The following MARCHF1 variants were observed in gnomAD, a reference collection of about 807,000 sequenced individuals.
MARCHF1 encodes the protein E3 ubiquitin-protein ligase MARCHF1.
MARCHF1 carries 40 observed loss-of-function variants against 54.2 expected under a neutral mutation model. The ratio of observed to expected loss-of-function variants is 0.74; its 90% CI spans 0.57 to 0.96. The LOEUF (loss-of-function observed/expected upper bound fraction) is 0.96, where lower values mean the gene tolerates loss of function less well. MARCHF1 is among the 40% of genes least tolerant of loss of function. The pLI is 0.00. For missense variants in MARCHF1, 586 were observed against 656.5 expected (o/e 0.89, Z 1.17); for synonymous variants, 236 against 236.3 (o/e 1.00, Z 0.01).
At chr4:163,883,266 A>AT (rs1252853808) in intron 3 of MARCHF1, among the ~76,000 whole-genome samples, 97 of 150,906 alleles carry the variant, frequency 6.4e-4, no homozygotes, top group Non-Finnish European at 9.3e-4. Flanking sequence ...TATGAGAGAG[A>AT]GAGAGAGAGA....
At chr4:163,991,900 A>T (rs1752973338) in intron 2 of MARCHF1, among the ~76,000 whole-genome samples, 2 of 152,122 alleles carry the variant, frequency 1.3e-5, no homozygotes, top group South Asian at 4.2e-4. Context: ...TGGCATTTTT[A>T]CATATTAACT....
At chr4:163,647,177 A>G (rs1199749336) in intron 5 of MARCHF1, among the ~76,000 whole-genome samples, 4 of 152,106 alleles carry the variant, frequency 2.6e-5, no homozygotes, top group Admixed American at 1.3e-4. Flanking sequence ...GTCACTATAT[A>G]ATGATAAAGG....
chr4:163,713,388 G>A (rs72993151), intron 4 of MARCHF1, among the ~76,000 whole-genome samples: 1,917 of 152,206 alleles, frequency 0.013, 43 homozygotes, highest in African/African-American at 0.042. Context: ...TACCACTTGT[G>A]GTGCAATCCT....
At chr4:164,324,986 A>G (rs953375611) in intron 1 of MARCHF1, among the ~76,000 whole-genome samples, 1 of 151,948 alleles carries the variant, frequency 6.6e-6, no homozygotes, top group African/African-American at 2.4e-5. Flanking sequence ...AAGAATAACC[A>G]AGAATAGCAC....
At chr4:164,142,716 T>C (rs1046307490) in intron 1 of MARCHF1, among the ~76,000 whole-genome samples, 9 of 151,896 alleles carry the variant, frequency 5.9e-5, no homozygotes, top group African/African-American at 2.2e-4. Context: ...ACCACAAAAA[T>C]GGGGAAAAAA....
chr4:164,226,472 G>T (rs542326865), intron 1 of MARCHF1, among the ~76,000 whole-genome samples: 4 of 151,924 alleles, frequency 2.6e-5, no homozygotes, highest in African/African-American at 9.6e-5. Flanking sequence ...ACTGACACAA[G>T]GAAGCCTCCC....
intron 8 of MARCHF1, chr4:163,584,101 T>C (rs1363250622): frequency 6.6e-6 from 1 of 150,654 alleles, no homozygotes; most frequent in Non-Finnish European, 1.5e-5. Flanking sequence ...AAAGTTGTAT[T>C]GACAGGGTAT....
chr4:163,932,532 A>G, intron 3 of MARCHF1: 1 of 353,652 alleles, frequency 2.8e-6, no homozygotes, highest in Non-Finnish European at 5.6e-6. Flanking sequence ...TGCCATAGAG[A>G]AAATGGAGCT....
intron 4 of MARCHF1, among the ~76,000 whole-genome samples, chr4:163,820,172 T>C (rs1748651922): frequency 1.3e-5 from 2 of 152,122 alleles, no homozygotes; most frequent in Non-Finnish European, 2.9e-5. Flanking sequence ...AAATAGTTTT[T>C]TTGTGAGGAC....
intron 1 of MARCHF1, among the ~76,000 whole-genome samples, chr4:164,339,969 A>AT (rs1729865890): frequency 6.6e-6 from 1 of 152,172 alleles, no homozygotes; most frequent in African/African-American, 2.4e-5. Context: ...GAGGAAATGG[A>AT]TAACTTCCTA....
intron 1 of MARCHF1, chr4:164,197,054 C>G (rs566167981): frequency 1.2e-4 from 196 of 1,605,950 alleles, no homozygotes; most frequent in Non-Finnish European, 1.4e-4. Flanking sequence ...TCTTCTTCAT[C>G]TTCCTCGCCA....
intron 4 of MARCHF1, among the ~76,000 whole-genome samples, chr4:163,836,822 C>T (rs181735119): frequency 1.3e-5 from 2 of 150,980 alleles, no homozygotes; most frequent in South Asian, 4.2e-4. Context: ...AAGAATTATT[C>T]CTGATCTCAT....
chr4:164,042,635 C>T (rs1308424981), intron 2 of MARCHF1, among the ~76,000 whole-genome samples: 1 of 152,122 alleles, frequency 6.6e-6, no homozygotes, highest in Non-Finnish European at 1.5e-5. Context: ...ATCTCTTGTC[C>T]TCCTCACATT....
intron 5 of MARCHF1, among the ~76,000 whole-genome samples, chr4:163,678,224 A>G (rs1743981722): frequency 6.6e-6 from 1 of 152,212 alleles, no homozygotes; most frequent in Non-Finnish European, 1.5e-5. Flanking sequence ...CATTTTGATT[A>G]TGATGACAAT....
At chr4:163,897,130 T>A (rs1750827223) in intron 3 of MARCHF1, among the ~76,000 whole-genome samples, 1 of 152,202 alleles carries the variant, frequency 6.6e-6, no homozygotes, top group South Asian at 2.1e-4. Flanking sequence ...GGAGTAACAC[T>A]ATAGACCTTG....
intron 2 of MARCHF1, among the ~76,000 whole-genome samples, chr4:164,095,931 C>A (rs1250197580): frequency 6.6e-6 from 1 of 151,960 alleles, no homozygotes; most frequent in Non-Finnish European, 1.5e-5. Context: ...ACGGACGAGA[C>A]TGAGGAGAAA....
In MARCHF1 at chr4:163,609,621, GTGTA is replaced by G. The variant is rs79213183; in HGVS notation, c.1010+2646_1010+2649del. On this transcript the variant is annotated intron_variant, in intron 7 of 9. Transcript: ENST00000514618. ...AAAAGGTCTTTCTGTGTGTGTGTGT[GTGTA>G]TATATATATATACGTATATATATAA... Among the ~76,000 whole-genome samples, 840 of 148,756 alleles carry G rather than the reference GTGTA, an allele frequency of 5.6e-3. 4 individuals carry two copies. The highest frequency in any genetic ancestry group is 0.029 in the South Asian group (136 of 4,704).
chr4:163,529,094 G>T, intron 9 of MARCHF1, 48 bp from the exon 10 acceptor site: 4 of 1,463,618 alleles, frequency 2.7e-6, no homozygotes, highest in Non-Finnish European at 3.7e-6. Flanking sequence ...GTCCTCAGTG[G>T]ATTTGGTCAT....
intron 3 of MARCHF1, among the ~76,000 whole-genome samples, chr4:163,886,370 CAGAT>C (rs1399766464): frequency 3.3e-5 from 5 of 150,660 alleles, no homozygotes; most frequent in Non-Finnish European, 7.4e-5. Flanking sequence ...TAGATATAGA[CAGAT>C]AGAGGTACCT....
Sources: allele counts gnomAD v4.1 joint callset (sites outside exome capture counted in the v4.1 genomes callset), GRCh38; gene constraint gnomAD v4.1.1; transcripts MANE v1.5; gene names NCBI Gene and HGNC (gene_info 2026-07-23, HGNC 2026-07-21).